Variants in CDC73 observed in about 807,000 individuals in gnomAD.
CDC73 encodes the protein parafibromin.
CDC73 carries 21 observed loss-of-function variants against 83.7 expected under a neutral mutation model. The observed-to-expected ratio is 0.25, with a 90% CI of 0.18 to 0.36. CDC73 has a LOEUF of 0.36. Among genes scored for constraint, CDC73 ranks in the 10% least tolerant of loss-of-function variants. The pLI is 1.00. For synonymous variants in CDC73, 224 were observed against 212.9 expected, an observed-to-expected ratio of 1.05 and a Z score of -0.45; for missense variants, 342 against 653.3, an observed-to-expected ratio of 0.52 and a Z score of 5.19.
intron 10 of CDC73, among the ~76,000 whole-genome samples, chr1:193,188,522 CTT>C (rs1266372279): frequency 1.3e-5 from 2 of 151,696 alleles, no homozygotes; most frequent in East Asian, 3.9e-4. Flanking sequence ...TATATTTTCA[CTT>C]TTTCAACAGG....
At position 193,177,358 on chromosome 1, in the gene CDC73, C is replaced by CAAAAAAAAAAAA. The variant is rs10672869; in HGVS notation, c.972+24925_972+24936dup. ...TGAAACCCCATCTCTACTAAAAATACAAAAAAAAAAAAAAAAAAAAAATCA... is the reference window on the plus strand; with the variant it reads ...TGAAACCCCATCTCTACTAAAAATACAAAAAAAAAAAAAAAAAAAAAAAAAAAAAAAAAATCA... On this transcript the variant is annotated intron_variant, in intron 10 of 16. Transcript: ENST00000367435. Among the ~76,000 whole-genome samples, 42 of 69,496 alleles carry CAAAAAAAAAAAA rather than the reference C, an allele frequency of 6.0e-4. 1 individual carries two copies. Among genetic ancestry groups the CAAAAAAAAAAAA allele is most frequent in the South Asian group, 1.5e-3 (2 of 1,322 alleles). 45.6% of individuals were successfully genotyped at this position (69,496 alleles called of 152,430 possible). A position where few individuals can be genotyped will look rare whatever the true frequency, so the allele number is the denominator to read the frequency against.
At chr1:193,198,688 A>G (rs1411118481) in intron 10 of CDC73, among the ~76,000 whole-genome samples, 1 of 152,250 alleles carries the variant, frequency 6.6e-6, no homozygotes, top group African/African-American at 2.4e-5. Context: ...AATTAAGGGA[A>G]GAGAGAGAAT....
intron 10 of CDC73, among the ~76,000 whole-genome samples, chr1:193,153,737 A>G (rs1676160565): frequency 1.3e-5 from 2 of 152,194 alleles, no homozygotes; most frequent in African/African-American, 2.4e-5. Flanking sequence ...TTATGTGTAG[A>G]TTAATGAATT....
chr1:193,189,560 T>A (rs1393300282), intron 10 of CDC73, among the ~76,000 whole-genome samples: 1 of 152,214 alleles, frequency 6.6e-6, no homozygotes, highest in Non-Finnish European at 1.5e-5. Flanking sequence ...CTTGTAATTG[T>A]CACTTGCATA....
chr1:193,179,658 C>G lies in CDC73; in HGVS notation c.973-24137C>G, dbSNP rs569861866. The G allele has an allele frequency of 5.9e-5, 9 of 152,296 alleles. No individual in the cohort carries two copies. The East Asian group carries it at 1.7e-3, about 29-fold the overall frequency. 9.4% of individuals were successfully genotyped at this position (152,296 alleles called of 1,614,324 possible). A position where few individuals can be genotyped will look rare whatever the true frequency, so the allele number is the denominator to read the frequency against. ...TACCACGTCATGTCAAAATAATTTT[C>G]CCCCATATATTAATAAAAGAAAGTA... is the stretch of plus-strand genomic sequence containing the variant. On this transcript the variant is annotated intron_variant, in intron 10 of 16. Coordinates refer to ENST00000367435, the MANE Select transcript of CDC73 (RefSeq NM_024529.5).
At chr1:193,206,487 T>A (rs1677191144) in intron 11 of CDC73, among the ~76,000 whole-genome samples, 1 of 152,244 alleles carries the variant, frequency 6.6e-6, no homozygotes, top group Non-Finnish European at 1.5e-5. Context: ...TTATTTGTCC[T>A]AATTAGTGTA....
At chr1:193,146,937 GTTGA>G (rs1233117439) in intron 7 of CDC73, among the ~76,000 whole-genome samples, 2 of 151,980 alleles carry the variant, frequency 1.3e-5, no homozygotes, top group South Asian at 2.1e-4. Context: ...GGATGTAGTA[GTTGA>G]TTATTTTTTT....
At chr1:193,164,320 G>C (rs1399685799) in intron 10 of CDC73, among the ~76,000 whole-genome samples, 1 of 152,182 alleles carries the variant, frequency 6.6e-6, no homozygotes, top group Non-Finnish European at 1.5e-5. Flanking sequence ...CCTGAATCCT[G>C]AGTTGTCTCA....
At chr1:193,123,486 C>T (rs1675504159) in intron 1 of CDC73, among the ~76,000 whole-genome samples, 1 of 152,214 alleles carries the variant, frequency 6.6e-6, no homozygotes, top group East Asian at 1.9e-4. Context: ...CTCCACTTCC[C>T]AAAGTGCTTG....
chr1:193,227,456 C>G (rs1677584530), intron 13 of CDC73, among the ~76,000 whole-genome samples: 1 of 151,286 alleles, frequency 6.6e-6, no homozygotes, highest in Non-Finnish European at 1.5e-5. Context: ...CTAGGCACTA[C>G]AGCAAGACCT....
chr1:193,153,315 C>T (rs984355464), intron 10 of CDC73, among the ~76,000 whole-genome samples: 2 of 152,034 alleles, frequency 1.3e-5, no homozygotes, highest in Non-Finnish European at 2.9e-5. Flanking sequence ...AACAGGAATT[C>T]TGTTAACCTC....
At chr1:193,197,735 G>A (rs139747850) in intron 10 of CDC73, among the ~76,000 whole-genome samples, 2 of 151,792 alleles carry the variant, frequency 1.3e-5, no homozygotes, top group African/African-American at 2.4e-5. Context: ...AGACCAGCCC[G>A]GCCAACATGG....
At chr1:193,224,863 C>T (rs2102050636) in intron 13 of CDC73, among the ~76,000 whole-genome samples, 1 of 151,610 alleles carries the variant, frequency 6.6e-6, no homozygotes, top group East Asian at 1.9e-4. Flanking sequence ...ATTATGTTGC[C>T]TAAATTTATC....
intron 13 of CDC73, among the ~76,000 whole-genome samples, chr1:193,223,151 G>A (rs1677501333): frequency 1.3e-5 from 2 of 151,912 alleles, no homozygotes; most frequent in Admixed American, 1.3e-4. Context: ...AGCATTTGGA[G>A]TCCTTAGTCA....
At chr1:193,139,465 A>G (rs1162785129) in intron 6 of CDC73, among the ~76,000 whole-genome samples, 1 of 152,186 alleles carries the variant, frequency 6.6e-6, no homozygotes, top group African/African-American at 2.4e-5. Flanking sequence ...TTTAAAAAAC[A>G]TACCTACTTC....
At chr1:193,182,402 A>G (rs1210497835) in intron 10 of CDC73, among the ~76,000 whole-genome samples, 1 of 152,180 alleles carries the variant, frequency 6.6e-6, no homozygotes, top group Admixed American at 6.5e-5. Context: ...TAATTTTAAA[A>G]TACAGCATGT....
chr1:193,241,811 G>T (rs987132913), intron 15 of CDC73, among the ~76,000 whole-genome samples: 20 of 152,196 alleles, frequency 1.3e-4, no homozygotes, highest in African/African-American at 4.8e-4. Context: ...GGAGGACAGA[G>T]CCCAGCCAAG....
At chr1:193,175,992 T>A (rs1301344064) in intron 10 of CDC73, among the ~76,000 whole-genome samples, 1 of 152,220 alleles carries the variant, frequency 6.6e-6, no homozygotes, top group Non-Finnish European at 1.5e-5. Flanking sequence ...AGGAAGAAGA[T>A]TGTAGTTATT....
Position 193,142,423 on chromosome 1 carries a change from A to AT in CDC73, c.729+366dup, listed in dbSNP as rs200400745. 7.6e-4 allele frequency among the ~76,000 whole-genome samples: 116 copies of AT among 151,670 alleles called. 1 individual carries two copies. The highest frequency in any genetic ancestry group is 5.1e-4 in the African/African-American group (21 of 41,384). On this transcript the variant is annotated intron_variant, in intron 7 of 16. Coordinates refer to ENST00000367435, the MANE Select transcript of CDC73 (RefSeq NM_024529.5). ...TTCTCTGGTTATTAATGCCATCATT[A>AT]TTTTTTTTTCTCACATGGTAGAGAA...
Sources: allele counts gnomAD v4.1 joint callset (sites outside exome capture counted in the v4.1 genomes callset), GRCh38; gene constraint gnomAD v4.1.1; transcripts MANE v1.5; gene names NCBI Gene and HGNC (gene_info 2026-07-23, HGNC 2026-07-21).